The following TIA1 variants were observed in gnomAD, a reference collection of about 807,000 sequenced individuals.
The protein encoded by TIA1 is TIA1 cytotoxic granule associated RNA binding protein, also known as cytotoxic granule associated RNA binding protein TIA1.
Under a neutral mutation model 65.9 loss-of-function variants are expected in TIA1, and 23 were observed. The ratio of observed to expected loss-of-function variants is 0.35; its 90% confidence interval spans 0.25 to 0.49. TIA1 has a LOEUF of 0.49. Ranked by LOEUF, TIA1 falls within the 20% of genes least tolerant of loss-of-function variation. TIA1 has a pLI of 0.98. For synonymous variants in TIA1, 147 were observed against 149.4 expected (o/e 0.98, Z 0.12); for missense variants, 371 against 477.9 (o/e 0.78, Z 2.09).
At chr2:70,248,076 AAAGG>A (rs1211494152) in intron 1 of TIA1, among the ~76,000 whole-genome samples, 1 of 152,198 alleles carries the variant, frequency 6.6e-6, no homozygotes, top group South Asian at 2.1e-4. Context: ...GCATAGGACA[AAAGG>A]AAGGTTCGAC....
intron 1 of TIA1, among the ~76,000 whole-genome samples, chr2:70,244,357 T>C (rs950934888): frequency 6.6e-6 from 1 of 152,212 alleles, no homozygotes; most frequent in Admixed American, 6.5e-5. Context: ...ATTACTTATG[T>C]AAATTCGTAA....
intron 1 of TIA1, among the ~76,000 whole-genome samples, chr2:70,247,834 C>T (rs1229099995): frequency 6.6e-6 from 1 of 151,344 alleles, no homozygotes; most frequent in Admixed American, 6.6e-5. Context: ...GAAGGAAAGC[C>T]AGAGGTTAAA....
chr2:70,230,708 C>A, intron 3 of TIA1, 48 bp downstream of exon 3: 26 of 1,271,534 alleles, frequency 2.0e-5, no homozygotes, highest in East Asian at 2.6e-5. Flanking sequence ...TCATATATAA[C>A]TTAAATTTTT....
At chr2:70,234,764 G>A (rs1688026740) in intron 2 of TIA1, among the ~76,000 whole-genome samples, 1 of 152,104 alleles carries the variant, frequency 6.6e-6, no homozygotes, top group Admixed American at 6.6e-5. Flanking sequence ...GTTTCGCCAT[G>A]TTGGTCAGGC....
intron 5 of TIA1, chr2:70,228,511 C>A: frequency 8.5e-7 from 1 of 1,182,844 alleles, no homozygotes; most frequent in Non-Finnish European, 1.1e-6. Flanking sequence ...TATATCAGAA[C>A]CATTAAAAAA....
chr2:70,229,240 T>C (rs2104411232), intron 4 of TIA1, 24 bp downstream of exon 4: 1 of 1,613,360 alleles, frequency 6.2e-7, no homozygotes, highest in East Asian at 2.2e-5. Flanking sequence ...AAACAAATGT[T>C]CAAAGAGCAT....
At chr2:70,219,294 G>C (rs543671466) in intron 7 of TIA1, among the ~76,000 whole-genome samples, 16 of 152,306 alleles carry the variant, frequency 1.1e-4, no homozygotes, top group African/African-American at 3.6e-4. Context: ...GGTCCAGGGA[G>C]CCAAGAAAAC....
In TIA1 at chr2:70,214,405, A is replaced by G. The variant is rs78236170; in HGVS notation, c.978T>C (p.Gly326=). Residue 326 remains glycine, a synonymous_variant, in exon 12 of 13, where the codon GGT becomes GGC. Coordinates refer to ENST00000433529, the MANE Select transcript of TIA1 (RefSeq NM_022173.4). ...ACATTCCATATGCAGGAACTTGCCA[A>G]CCATTAGGCATATACTGGCCAATTT... ...AQQIGQYMPN[G]WQVPAYGMYG... The G allele has an allele frequency of 5.6e-4, 896 of 1,614,010 alleles. 6 individuals carry two copies. The African/African-American group carries it at 0.01, about 19-fold the overall frequency.
Position 70,242,494 on chromosome 2 carries a change from C to CAAAAAAAAAAAA in TIA1, c.26+5899_26+5910dup, listed in dbSNP as rs11380260. Among the ~76,000 whole-genome samples, 11 of 33,468 alleles carry CAAAAAAAAAAAA rather than the reference C, an allele frequency of 3.3e-4. 3 individuals are homozygous for CAAAAAAAAAAAA. The highest frequency in any genetic ancestry group is 1.6e-3 in the African/African-American group (11 of 7,048). 22.0% of individuals were successfully genotyped at this position (33,468 alleles called of 152,430 possible). On this transcript the variant is annotated intron_variant, in intron 1 of 12. Transcript: ENST00000433529. ...AGCCTGAGTGACAGAGACTCAGTCT[C>CAAAAAAAAAAAA]AAAAAAAAAAAAAAAAAAAAAAAAA...
chr2:70,218,360 G>A (rs983609367), intron 7 of TIA1, among the ~76,000 whole-genome samples: 12 of 152,092 alleles, frequency 7.9e-5, no homozygotes, highest in Non-Finnish European at 1.0e-4. Context: ...GGAATCCAGC[G>A]AGCAAAAAAG....
At chr2:70,216,147 T>TA in intron 10 of TIA1, 61 bp downstream of exon 10, 1 of 1,265,988 alleles carries the variant, frequency 7.9e-7, no homozygotes, top group Non-Finnish European at 1.1e-6. Flanking sequence ...TATTTTTATT[T>TA]ATTTTCTGGT....
intron 7 of TIA1, among the ~76,000 whole-genome samples, chr2:70,219,283 T>C (rs533172896): frequency 1.5e-4 from 23 of 152,276 alleles, no homozygotes; most frequent in African/African-American, 5.5e-4. Context: ...CAAAAGTGTA[T>C]GGTCCAGGGA....
intron 11 of TIA1, 166 bp downstream of exon 11, chr2:70,215,205 A>C (rs1482266855): frequency 8.9e-6 from 7 of 784,614 alleles, no homozygotes; most frequent in Admixed American, 3.0e-5. Flanking sequence ...TCATGTCACC[A>C]CTGCAATCCA....
In TIA1 at chr2:70,209,905, C is replaced by T; in HGVS notation, c.*2814G>A. ...AACTGCCTTCTCAAATGGAATAGAA[C>T]TATAACACACAAATAAAAGGAAGAT... On this transcript the variant is annotated 3_prime_UTR_variant, in exon 13 of 13. Coordinates refer to ENST00000433529, the MANE Select transcript of TIA1 (RefSeq NM_022173.4). 1.3e-5 allele frequency: 5 copies of T among 393,452 alleles called. No individual in the cohort carries two copies. The highest frequency in any genetic ancestry group is 2.2e-5 in the Non-Finnish European group (5 of 223,306). The allele number at this position is 393,452 out of a possible 1,614,324, so 24.4% of individuals were successfully genotyped here.
rs1048797348 is a variant in TIA1 at position 70,214,501 on chromosome 2, A to C, written c.889-7T>G. The stretch of plus-strand genomic sequence containing the variant: ...GATATCCAATTTGATTCTGCTATTA[A>C]ATAAAATTTAGTATTACTTGAAGTT... On this transcript the variant is annotated splice_region_variant and splice_polypyrimidine_tract_variant and intron_variant, in intron 11 of 12. Transcript: ENST00000433529. 6.2e-7 allele frequency: 1 copy of C among 1,604,022 alleles called. No homozygotes were observed. The highest frequency in any genetic ancestry group is 8.5e-7 in the Non-Finnish European group (1 of 1,176,058).
At chr2:70,228,742 T>G (rs1324463273) in intron 5 of TIA1, 1 of 985,270 alleles carries the variant, frequency 1.0e-6, no homozygotes, top group East Asian at 1.1e-4. Flanking sequence ...GAGGAGCAAC[T>G]CAAGCATTTG....
Position 70,216,285 on chromosome 2 carries a change from T to C in TIA1, c.687A>G (p.Leu229=). The change falls in exon 10 of 13, where the codon CTA becomes CTG. Residue 229 remains leucine, a synonymous_variant. Coordinates refer to ENST00000433529, the MANE Select transcript of TIA1 (RefSeq NM_022173.4). The part of the protein sequence containing the change: ...GGVTSGLTEQ[L]MRQTFSPFGQ... Reference sequence around the variant, plus strand: ...CAAATGGTGAAAAAGTCTGACGCATTAGTTGTTCTGTTAGACAAAAAACCA... The same window carrying C: ...CAAATGGTGAAAAAGTCTGACGCATCAGTTGTTCTGTTAGACAAAAAACCA... 6.3e-7 allele frequency: 1 copy of C among 1,592,428 alleles called. No individual in the cohort carries two copies. Among genetic ancestry groups the C allele is most frequent in the South Asian group, 1.2e-5 (1 of 85,566 alleles).
At chr2:70,219,193 A>G (rs12623397) in intron 7 of TIA1, among the ~76,000 whole-genome samples, 9,346 of 152,262 alleles carry the variant, frequency 0.061, 366 homozygotes, top group East Asian at 0.18. Context: ...AAAAACAGCA[A>G]AACTTGAAAA....
chr2:70,237,283 AC>A (rs1689386109), intron 1 of TIA1, among the ~76,000 whole-genome samples: 1 of 151,976 alleles, frequency 6.6e-6, no homozygotes, highest in Non-Finnish European at 1.5e-5. Context: ...ACATCTGTAA[AC>A]CCAGCTACTT....
Sources: allele counts gnomAD v4.1 joint callset (sites outside exome capture counted in the v4.1 genomes callset), GRCh38; gene constraint gnomAD v4.1.1; transcripts MANE v1.5; gene names NCBI Gene and HGNC (gene_info 2026-07-23, HGNC 2026-07-21).